The following TMEM119 variants were observed in gnomAD, a reference collection of about 807,000 sequenced individuals.
The protein encoded by TMEM119 is transmembrane protein 119.
For synonymous variants in TMEM119, 182 were observed against 176.4 expected (o/e 1.03, Z -0.25); for missense variants, 410 against 381.0 (o/e 1.08, Z -0.63).
In TMEM119 at chr12:108,592,351, G is replaced by A. The variant is rs1315155891; in HGVS notation, c.33C>T (p.Ile11=). The A allele has an allele frequency of 1.9e-6, 3 of 1,576,712 alleles. No individual in the cohort carries two copies. The highest frequency in any genetic ancestry group is 2.6e-6 in the Non-Finnish European group (3 of 1,168,464). The change falls in exon 2 of 2, where the codon ATC becomes ATT. Residue 11 remains isoleucine, a synonymous_variant. Coordinates refer to ENST00000392806, the MANE Select transcript of TMEM119 (RefSeq NM_181724.3). This position sits in a 1 kb window ranked among gnomAD's most constrained non-coding sequence, Gnocchi z 4.3. The part of the protein sequence containing the change: MVSAAAPSLL[I]LLLLLLGSVP... Reference sequence around the variant, plus strand: ...CAGACCCCAGGAGCAGCAACAGAAGGATGAGGAGGCTGGGGGCTGCCGCCG... The same window carrying A: ...CAGACCCCAGGAGCAGCAACAGAAGAATGAGGAGGCTGGGGGCTGCCGCCG...
At position 108,596,720 on chromosome 12, in the gene TMEM119, C is replaced by A. The variant is rs553403004; in HGVS notation, c.-15+1250G>T. Among the ~76,000 whole-genome samples the A allele has an allele frequency of 1.0e-3, 156 of 152,344 alleles. 1 individual carries two copies. The highest frequency in any genetic ancestry group is 3.7e-3 in the African/African-American group (155 of 41,578). ...GCACTGTTCTGGGCAGCTCTGAAGT[C>A]ATTATTCTGCCTACCTCCCCCCGGA... On this transcript the variant is annotated intron_variant, in intron 1 of 1. Transcript: ENST00000392806.
intron 1 of TMEM119, among the ~76,000 whole-genome samples, chr12:108,597,190 TG>T (rs893095995): frequency 1.3e-5 from 2 of 152,096 alleles, no homozygotes; most frequent in East Asian, 3.9e-4. Context: ...CCTGAGTCTG[TG>T]GAGGAGTGCA....
At chr12:108,596,380 T>C (rs566187695) in intron 1 of TMEM119, among the ~76,000 whole-genome samples, 12 of 151,008 alleles carry the variant, frequency 7.9e-5, no homozygotes, top group African/African-American at 2.9e-4. Context: ...TGCACACACA[T>C]ACACATACAC....
intron 1 of TMEM119, among the ~76,000 whole-genome samples, chr12:108,597,011 T>C (rs952635547): frequency 2.0e-5 from 3 of 152,132 alleles, no homozygotes; most frequent in Non-Finnish European, 4.4e-5. Context: ...ATCTGTACAA[T>C]GGGGATAAGA....
chr12:108,595,538 C>T (rs1478568054), intron 1 of TMEM119, among the ~76,000 whole-genome samples: 1 of 151,326 alleles, frequency 6.6e-6, no homozygotes, highest in African/African-American at 2.4e-5. Flanking sequence ...CACACAACCA[C>T]GTACACACAT....
Position 108,592,165 on chromosome 12 carries a change from G to T in TMEM119, c.219C>A (p.Thr73=). ...TGGTGGGGGGTGATGGGCCCCCCAG[G>T]GTTATGGGCTGGGGCCCCATCGATG... ...SPTSMGPQPI[T]LGGPSPPTNF... is the part of the protein sequence containing the mutation. Residue 73 remains threonine, a synonymous_variant, in exon 2 of 2, where the codon ACC becomes ACA. Transcript: ENST00000392806. The surrounding 1 kb of genome is among the most constrained non-coding windows in gnomAD (Gnocchi z 4.3). 1 of 1,614,070 alleles carries T rather than the reference G, an allele frequency of 6.2e-7. No individual in the cohort carries two copies. Among genetic ancestry groups the T allele is most frequent in the Non-Finnish European group, 8.5e-7 (1 of 1,179,980 alleles).
intron 1 of TMEM119, among the ~76,000 whole-genome samples, chr12:108,596,720 CATT>C (rs1314014761): frequency 6.6e-6 from 1 of 152,226 alleles, no homozygotes; most frequent in Non-Finnish European, 1.5e-5. Context: ...GCTCTGAAGT[CATT>C]ATTCTGCCTA....
At position 108,592,689 on chromosome 12, in the gene TMEM119, G is replaced by A. The variant is rs966201812; in HGVS notation, c.-14-292C>T. ...GCTCAATAAATGTACCCTGACTGAC[G>A]TGGCTGAATTAATAATGATAATTTA... On this transcript the variant is annotated intron_variant, in intron 1 of 1. Transcript: ENST00000392806. The surrounding 1 kb of genome is among the most constrained non-coding windows in gnomAD (Gnocchi z 4.3). Among the ~76,000 whole-genome samples, 2 of 152,094 alleles carry A rather than the reference G, an allele frequency of 1.3e-5. No individual in the cohort carries two copies. The highest frequency in any genetic ancestry group is 4.8e-5 in the African/African-American group (2 of 41,414).
At position 108,592,449 on chromosome 12, in the gene TMEM119, G is replaced by A. The variant is rs2031430772; in HGVS notation, c.-14-52C>T. Reference sequence around the variant, plus strand: ...TCATGGCGGAACTCTAGAGTGTCAGGATTCAGAAACAGGCTCACCAGCCCC... The same window carrying A: ...TCATGGCGGAACTCTAGAGTGTCAGAATTCAGAAACAGGCTCACCAGCCCC... On this transcript the variant is annotated intron_variant, in intron 1 of 1. Transcript: ENST00000392806. The surrounding 1 kb of genome is among the most constrained non-coding windows in gnomAD (Gnocchi z 4.3). The A allele has an allele frequency of 4.7e-6, 7 of 1,489,120 alleles. No individual in the cohort carries two copies. The Admixed American group carries it at 7.0e-5, about 15-fold the overall frequency. 92.2% of individuals were successfully genotyped at this position (1,489,120 alleles called of 1,614,324 possible). A position where few individuals can be genotyped will look rare whatever the true frequency, so the allele number is the denominator to read the frequency against.
At chr12:108,593,641 C>T (rs546684886) in intron 1 of TMEM119, among the ~76,000 whole-genome samples, 3 of 152,278 alleles carry the variant, frequency 2.0e-5, no homozygotes, top group African/African-American at 7.2e-5. Context: ...TGCCGATGCG[C>T]CCCGCCCCCA....
chr12:108,594,868 C>T (rs2031478738), intron 1 of TMEM119, among the ~76,000 whole-genome samples: 1 of 152,084 alleles, frequency 6.6e-6, no homozygotes, highest in Non-Finnish European at 1.5e-5. Flanking sequence ...GCCTGGGCAA[C>T]ATAAGGAAAC....
chr12:108,596,029 C>T (rs73191226), intron 1 of TMEM119, among the ~76,000 whole-genome samples: 20,664 of 152,172 alleles, frequency 0.14, 1,867 homozygotes, highest in East Asian at 0.33. Flanking sequence ...CTCCTGTGGG[C>T]CTCACTTTCC....
At chr12:108,595,742 A>C (rs1176109320) in intron 1 of TMEM119, among the ~76,000 whole-genome samples, 1 of 152,162 alleles carries the variant, frequency 6.6e-6, no homozygotes, top group Non-Finnish European at 1.5e-5. Flanking sequence ...CCGCTGGTGG[A>C]CATCACCTGT....
chr12:108,597,361 A>C (rs2031520056), intron 1 of TMEM119, among the ~76,000 whole-genome samples: 1 of 151,950 alleles, frequency 6.6e-6, no homozygotes, highest in African/African-American at 2.4e-5. Flanking sequence ...TGGTTGGAGC[A>C]CTGCACATGC....
rs765770062 is a variant in TMEM119 at position 108,591,930 on chromosome 12, C to T, written c.454G>A (p.Glu152Lys). ...DRAGGPRAFSEVPDRAPDSRP... is the reference protein window; with the variant it reads ...DRAGGPRAFSKVPDRAPDSRP... ...CTGTCGGGGGCTCTGTCGGGGACCT[C>T]ACTGAAGGCCCGGGGGCCCCCGGCC... The change falls in exon 2 of 2, where the codon GAG (glutamate) becomes AAG (lysine). Residue 152 changes from glutamate (E) to lysine (K), a missense_variant. Physicochemically the swap from Glu to Lys is moderately conservative, Grantham distance 56. Transcript: ENST00000392806. This position sits in a 1 kb window ranked among gnomAD's most constrained non-coding sequence, Gnocchi z 4.2. 1.1e-5 allele frequency: 18 copies of T among 1,613,012 alleles called. No individual in the cohort carries two copies. In the African/African-American group the frequency reaches 2.0e-4, roughly 18 times the overall value.
intron 1 of TMEM119, among the ~76,000 whole-genome samples, chr12:108,597,594 C>T (rs1040526990): frequency 2.0e-5 from 3 of 151,922 alleles, no homozygotes; most frequent in Non-Finnish European, 2.9e-5. Context: ...AGAACACACA[C>T]GGACACACAA....
At position 108,591,747 on chromosome 12, in the gene TMEM119, G is replaced by A. The variant is rs753264611; in HGVS notation, c.637C>T (p.Gln213Ter). The part of the protein sequence containing the change: ...RGAEEEEKGS[Q>*]EGDQEVQGHG... ...CCCTGGACTTCCTGGTCCCCCTCCT[G>A]GCTGCCCTTCTCCTCTTCCTCTGCG... The change falls in exon 2 of 2, where the codon CAG becomes TAG. Residue 213 changes from glutamine to a stop codon, truncating the protein, a stop_gained. Coordinates refer to ENST00000392806, the MANE Select transcript of TMEM119 (RefSeq NM_181724.3). LOFTEE classifies it low-confidence loss of function (END_TRUNC). The surrounding 1 kb of genome is among the most constrained non-coding windows in gnomAD (Gnocchi z 4.2). The A allele has an allele frequency of 2.0e-5, 32 of 1,603,744 alleles. No homozygotes were observed. Among genetic ancestry groups the A allele is most frequent in the Non-Finnish European group, 2.6e-5 (31 of 1,174,368 alleles).
rs1478551943 is a variant in TMEM119, at chr12:108,591,408, A to G, written c.*124T>C. Reference sequence around the variant, plus strand: ...TGCTGTAGAATCAGCACATGCTGGGATTGGCACCACAGGGAGGCCAAGGAG... The same window carrying G: ...TGCTGTAGAATCAGCACATGCTGGGGTTGGCACCACAGGGAGGCCAAGGAG... On this transcript the variant is annotated 3_prime_UTR_variant, in exon 2 of 2. Coordinates refer to ENST00000392806, the MANE Select transcript of TMEM119 (RefSeq NM_181724.3). This position sits in a 1 kb window ranked among gnomAD's most constrained non-coding sequence, Gnocchi z 4.2. 2.6e-6 allele frequency: 3 copies of G among 1,141,620 alleles called. No individual in the cohort carries two copies. The highest frequency in any genetic ancestry group is 3.7e-6 in the Non-Finnish European group (3 of 814,480). The allele number at this position is 1,141,620 out of a possible 1,614,324, so 70.7% of individuals were successfully genotyped here.
intron 1 of TMEM119, among the ~76,000 whole-genome samples, chr12:108,596,946 C>T (rs1476293486): frequency 6.6e-6 from 1 of 152,234 alleles, no homozygotes; most frequent in Non-Finnish European, 1.5e-5. Flanking sequence ...GAGGTCACTT[C>T]CCGGCTATGT....
Sources: gnomAD v4.1 joint callset for allele counts (sites outside exome capture counted in the v4.1 genomes callset) on GRCh38, gnomAD v4.1.1 for gene constraint, Gnocchi (gnomAD v3.1) non-coding constraint, MANE v1.5 for transcripts, NCBI Gene and HGNC (gene_info 2026-07-23, HGNC 2026-07-21) for gene names.